The following LYPD6 variants were observed in gnomAD, a reference collection of about 807,000 sequenced individuals.
LYPD6 encodes the protein LY6/PLAUR domain containing 6.
In LYPD6, 15 loss-of-function variants were observed where a neutral mutation model predicts 22.7. The ratio of observed to expected loss-of-function variants is 0.66; its 90% CI spans 0.44 to 1.02. The LOEUF (loss-of-function observed/expected upper bound fraction) is 1.02, where lower values mean the gene tolerates loss of function less well. Among genes scored for constraint, LYPD6 ranks in the 50% least tolerant of loss-of-function variants. The probability of loss-of-function intolerance (pLI) is 0.00; values close to 1 mark genes in which losing one functional copy is unlikely to be tolerated. For missense variants in LYPD6, 189 were observed against 208.4 expected, an observed-to-expected ratio of 0.91 and a Z score of 0.57; for synonymous variants, 72 against 77.5, an observed-to-expected ratio of 0.93 and a Z score of 0.37.
chr2:149,444,301 T>C (rs970093772), intron 2 of LYPD6, among the ~76,000 whole-genome samples: 3 of 152,214 alleles, frequency 2.0e-5, no homozygotes, highest in Non-Finnish European at 4.4e-5. Context: ...GAGCCTTTAG[T>C]GAGTTACAAT....
intron 1 of LYPD6, among the ~76,000 whole-genome samples, chr2:149,406,781 T>G (rs1441734216): frequency 7.9e-5 from 12 of 152,138 alleles, no homozygotes; most frequent in African/African-American, 2.9e-4. Context: ...CATTATGATG[T>G]TAGCTGGTTA....
intron 3 of LYPD6, among the ~76,000 whole-genome samples, chr2:149,462,834 C>T (rs1384893382): frequency 1.3e-5 from 2 of 151,998 alleles, no homozygotes; most frequent in Non-Finnish European, 2.9e-5. Context: ...ACTGGAGGAA[C>T]TGGACATTCA....
intron 1 of LYPD6, among the ~76,000 whole-genome samples, chr2:149,406,684 C>G (rs1214622722): frequency 2.6e-5 from 4 of 152,268 alleles, no homozygotes; most frequent in East Asian, 3.9e-4. Flanking sequence ...GACTCTTTAT[C>G]CAATTTGCCA....
intron 3 of LYPD6, among the ~76,000 whole-genome samples, chr2:149,452,143 C>T (rs1680841396): frequency 1.3e-5 from 2 of 152,132 alleles, no homozygotes; most frequent in Admixed American, 1.3e-4. Context: ...CCCAGGTGTG[C>T]TCAGTGGATG....
At chr2:149,480,588 C>T in the LYPD6 span, among the ~76,000 whole-genome samples, 1 of 152,240 alleles carries the variant, frequency 6.6e-6, no homozygotes, top group African/African-American at 2.4e-5. Flanking sequence ...GTGTTTGTGT[C>T]TGTAATATCA....
intron 1 of LYPD6, among the ~76,000 whole-genome samples, chr2:149,418,625 A>G (rs1036773126): frequency 1.3e-5 from 2 of 151,170 alleles, no homozygotes; most frequent in South Asian, 2.1e-4. Context: ...CCTGTCCACA[A>G]TTTTCCCATT....
chr2:149,355,641 C>G (rs1303830836), intron 1 of LYPD6, among the ~76,000 whole-genome samples: 1 of 152,150 alleles, frequency 6.6e-6, no homozygotes, highest in Non-Finnish European at 1.5e-5. Flanking sequence ...TAGTGGTCAG[C>G]AAGACAAGGG....
intron 1 of LYPD6, among the ~76,000 whole-genome samples, chr2:149,340,505 C>T (rs1681139427): frequency 1.3e-5 from 2 of 152,130 alleles, no homozygotes; most frequent in Admixed American, 1.3e-4. Context: ...CTGGGCTCTC[C>T]TGTAGTGTAA....
At chr2:149,463,930 G>T (rs1681142346) in intron 3 of LYPD6, among the ~76,000 whole-genome samples, 1 of 152,012 alleles carries the variant, frequency 6.6e-6, no homozygotes, top group African/African-American at 2.4e-5. Context: ...GATCCTTATG[G>T]CTGTGGAGAA....
At chr2:149,361,970 G>A (rs1334489760) in intron 1 of LYPD6, among the ~76,000 whole-genome samples, 3 of 152,152 alleles carry the variant, frequency 2.0e-5, no homozygotes, top group African/African-American at 7.2e-5. Context: ...GCAATGATGT[G>A]CTTTGAAGGT....
At chr2:149,465,087 C>A (rs1241414464) in intron 3 of LYPD6, among the ~76,000 whole-genome samples, 1 of 152,082 alleles carries the variant, frequency 6.6e-6, no homozygotes, top group African/African-American at 2.4e-5. Context: ...TTTGATGAGG[C>A]CACTTGAGTG....
chr2:149,385,327 G>A (rs1429986527), intron 1 of LYPD6, among the ~76,000 whole-genome samples: 3 of 152,092 alleles, frequency 2.0e-5, no homozygotes, highest in African/African-American at 4.8e-5. Context: ...GCGTCTGAAA[G>A]GCACATTTCT....
At chr2:149,464,897 A>G (rs1681167323) in intron 3 of LYPD6, among the ~76,000 whole-genome samples, 1 of 152,200 alleles carries the variant, frequency 6.6e-6, no homozygotes, top group Non-Finnish European at 1.5e-5. Context: ...ACAATATCCC[A>G]GGAGGTCCCT....
intron 1 of LYPD6, among the ~76,000 whole-genome samples, chr2:149,345,726 T>C (rs16826883): frequency 0.3 from 46,020 of 152,012 alleles, 7,280 homozygotes; most frequent in Middle Eastern, 0.38. Flanking sequence ...GTTTAAAAAA[T>C]TGGAATTTGT....
At chr2:149,448,994 C>T (rs1205109510) in intron 2 of LYPD6, 55 bp from the exon 3 acceptor site, 14 of 1,313,488 alleles carry the variant, frequency 1.1e-5, no homozygotes, top group Non-Finnish European at 1.5e-5. Flanking sequence ...CTTAACTTCA[C>T]AGGATTCTGT....
chr2:149,336,051 T>A (rs576273966), intron 1 of LYPD6, among the ~76,000 whole-genome samples: 1 of 152,220 alleles, frequency 6.6e-6, no homozygotes, highest in East Asian at 1.9e-4. Context: ...TATATTTTAA[T>A]GTTTCAGAAA....
At chr2:149,395,566 G>A (rs921700553) in intron 1 of LYPD6, among the ~76,000 whole-genome samples, 2 of 151,966 alleles carry the variant, frequency 1.3e-5, no homozygotes, top group African/African-American at 4.8e-5. Flanking sequence ...ATTGATTCGA[G>A]TACTTTTTAT....
intron 4 of LYPD6, among the ~76,000 whole-genome samples, chr2:149,469,205 T>G (rs1158750310): frequency 6.6e-6 from 1 of 152,184 alleles, no homozygotes; most frequent in Non-Finnish European, 1.5e-5. Flanking sequence ...GATGTTAGTT[T>G]GGGGAGGGTC....
At chr2:149,357,254 C>T (rs1294302355) in intron 1 of LYPD6, among the ~76,000 whole-genome samples, 3 of 152,198 alleles carry the variant, frequency 2.0e-5, no homozygotes, top group Non-Finnish European at 4.4e-5. Context: ...GTGTCTGTGT[C>T]ACAGTGTGAT....
Sources: gnomAD v4.1 joint callset for allele counts (sites outside exome capture counted in the v4.1 genomes callset) on GRCh38, gnomAD v4.1.1 for gene constraint, MANE v1.5 for transcripts, NCBI Gene and HGNC (gene_info 2026-07-23, HGNC 2026-07-21) for gene names.